Variants in KCNQ5 observed in about 807,000 individuals in gnomAD.
The protein encoded by KCNQ5 is potassium voltage-gated channel subfamily Q member 5, also known as potassium voltage-gated channel subfamily KQT member 5.
KCNQ5 carries 30 observed loss-of-function variants against 98.2 expected under a neutral mutation model. The ratio of observed to expected loss-of-function variants is 0.31; its 90% CI spans 0.23 to 0.41. The LOEUF is 0.41. Among genes scored for constraint, KCNQ5 ranks in the 10% least tolerant of loss-of-function variants. The pLI, the probability that KCNQ5 is intolerant of heterozygous loss-of-function variation, is 1.00. For missense variants in KCNQ5, 835 were observed against 1,182.5 expected, an observed-to-expected ratio of 0.71 and a Z score of 4.31; for synonymous variants, 458 against 449.4, an observed-to-expected ratio of 1.02 and a Z score of -0.24.
At chr6:72,884,628 T>A (rs1778782375) in intron 1 of KCNQ5, among the ~76,000 whole-genome samples, 1 of 152,114 alleles carries the variant, frequency 6.6e-6, no homozygotes, top group Non-Finnish European at 1.5e-5. Context: ...ATACTTTTTT[T>A]TTTTTTGAGA....
intron 9 of KCNQ5, among the ~76,000 whole-genome samples, chr6:73,124,862 T>A (rs536788436): frequency 6.7e-6 from 1 of 148,830 alleles, no homozygotes; most frequent in South Asian, 2.1e-4. Flanking sequence ...GAAAGAAATT[T>A]TTTTTCTGAA....
At chr6:73,179,878 C>T (rs1161684800) in intron 11 of KCNQ5, among the ~76,000 whole-genome samples, 2 of 152,214 alleles carry the variant, frequency 1.3e-5, no homozygotes, top group Non-Finnish European at 2.9e-5. Flanking sequence ...TGTCTGCCTA[C>T]TTGTCTGTCT....
At chr6:72,763,362 A>G (rs1410779611) in intron 1 of KCNQ5, among the ~76,000 whole-genome samples, 1 of 152,040 alleles carries the variant, frequency 6.6e-6, no homozygotes, top group African/African-American at 2.4e-5. Flanking sequence ...GGGAGTTAAA[A>G]TTACAGGTTC....
chr6:72,891,056 A>G (rs965371364), intron 1 of KCNQ5, among the ~76,000 whole-genome samples: 12 of 152,254 alleles, frequency 7.9e-5, no homozygotes, highest in African/African-American at 2.7e-4. Flanking sequence ...AAGAGCCAAC[A>G]AGCTTCATAT....
intron 10 of KCNQ5, chr6:73,158,266 T>G (rs796868478): frequency 0.04 from 6,718 of 168,192 alleles, 182 homozygotes; most frequent in East Asian, 0.11. Flanking sequence ...TTTTTTTTTT[T>G]TTTTTTTTTT....
At position 73,194,654 on chromosome 6, in the gene KCNQ5, C is replaced by A. The variant is rs775001262; in HGVS notation, c.2039C>A (p.Thr680Asn). ...AACAGTGGCTGCTTATCCAGATCAA[C>A]TAGTGCCAACATCTCGAGAGGCCTG... ...AQNSGCLSRSTSANISRGLQF... is the reference protein window; with the variant it reads ...AQNSGCLSRSNSANISRGLQF... The change falls in exon 14 of 14, where the codon ACT becomes AAT. Residue 680 changes from threonine to asparagine, a missense_variant. Coordinates refer to ENST00000370398, the MANE Select transcript of KCNQ5 (RefSeq NM_019842.4). 2 of 1,614,252 alleles carry A rather than the reference C, an allele frequency of 1.2e-6. No individual in the cohort carries two copies. The highest frequency in any genetic ancestry group is 1.7e-6 in the Non-Finnish European group (2 of 1,180,048).
At chr6:73,063,725 A>AGATAGATAGATAGATAGATAGAT (rs1772921679) in intron 3 of KCNQ5, among the ~76,000 whole-genome samples, 1 of 106,918 alleles carries the variant, frequency 9.4e-6, no homozygotes, top group Non-Finnish European at 1.9e-5. Flanking sequence ...GATAGATGAT[A>AGATAGATAGATAGATAGATAGAT]GATAGATAGA....
chr6:72,726,521 G>A (rs908232159), intron 1 of KCNQ5, among the ~76,000 whole-genome samples: 2 of 152,116 alleles, frequency 1.3e-5, no homozygotes, highest in Non-Finnish European at 2.9e-5. Context: ...CCAAAAATCT[G>A]TTTTTTAATA....
Position 73,109,172 on chromosome 6 carries a change from C to T in KCNQ5, c.1030-2136C>T, listed in dbSNP as rs187556495. Among the ~76,000 whole-genome samples, 1,018 of 152,278 alleles carry T rather than the reference C, an allele frequency of 6.7e-3. 6 individuals are homozygous for T. Among genetic ancestry groups the T allele is most frequent in the African/African-American group, 0.023 (967 of 41,556 alleles). On this transcript the variant is annotated intron_variant, in intron 6 of 13. Transcript: ENST00000370398. Reference sequence around the variant, plus strand: ...AATGTACAGTCTGGCACAAGAAATACGTAGTGAACATTTACCATTCACTAA... The same window carrying T: ...AATGTACAGTCTGGCACAAGAAATATGTAGTGAACATTTACCATTCACTAA...
At chr6:72,771,524 G>T (rs1057115119) in intron 1 of KCNQ5, among the ~76,000 whole-genome samples, 5 of 151,990 alleles carry the variant, frequency 3.3e-5, no homozygotes, top group Non-Finnish European at 7.4e-5. Context: ...GTTTTGCTTT[G>T]CATTTCCCTG....
chr6:72,924,713 C>T (rs1003763553), intron 1 of KCNQ5, among the ~76,000 whole-genome samples: 3 of 152,160 alleles, frequency 2.0e-5, no homozygotes, highest in Admixed American at 2.0e-4. Flanking sequence ...CTTCGACCTC[C>T]CTTATGGGGT....
At chr6:72,947,245 T>C (rs1766590923) in intron 1 of KCNQ5, among the ~76,000 whole-genome samples, 1 of 152,314 alleles carries the variant, frequency 6.6e-6, no homozygotes, top group South Asian at 2.1e-4. Flanking sequence ...GAGCTTTGAA[T>C]ATGAAATAGG....
chr6:72,939,952 G>A (rs903631923), intron 1 of KCNQ5, among the ~76,000 whole-genome samples: 10 of 152,154 alleles, frequency 6.6e-5, no homozygotes, highest in African/African-American at 2.4e-4. Context: ...GTAACTAAAT[G>A]TGAAGGCAGC....
At chr6:72,836,540 G>A (rs1776510931) in intron 1 of KCNQ5, among the ~76,000 whole-genome samples, 1 of 151,998 alleles carries the variant, frequency 6.6e-6, no homozygotes, top group South Asian at 2.1e-4. Flanking sequence ...CTGAGCTCAA[G>A]CAATTCTCCC....
At chr6:73,046,386 G>A (rs888687655) in intron 3 of KCNQ5, among the ~76,000 whole-genome samples, 8 of 152,024 alleles carry the variant, frequency 5.3e-5, no homozygotes, top group African/African-American at 1.7e-4. Context: ...CCTTCCATGT[G>A]ATTAACTGGA....
At chr6:72,679,808 T>A (rs1434830374) in intron 1 of KCNQ5, among the ~76,000 whole-genome samples, 1 of 152,094 alleles carries the variant, frequency 6.6e-6, no homozygotes, top group Non-Finnish European at 1.5e-5. Flanking sequence ...GAGGCTGAGG[T>A]GGGCAGATCG....
At chr6:72,654,258 C>T (rs1033921765) in intron 1 of KCNQ5, among the ~76,000 whole-genome samples, 2 of 151,740 alleles carry the variant, frequency 1.3e-5, no homozygotes, top group African/African-American at 4.8e-5. Flanking sequence ...AGAGGTGATA[C>T]TAAGTTGTGT....
intron 3 of KCNQ5, among the ~76,000 whole-genome samples, chr6:73,064,002 G>A (rs1772941155): frequency 6.6e-6 from 1 of 152,068 alleles, no homozygotes. Flanking sequence ...AAAATATTGA[G>A]AGCCAGGTGA....
At chr6:72,712,447 A>C (rs1769418733) in intron 1 of KCNQ5, among the ~76,000 whole-genome samples, 1 of 152,218 alleles carries the variant, frequency 6.6e-6, no homozygotes, top group South Asian at 2.1e-4. Flanking sequence ...CCAGCTTTAA[A>C]ATACTTAAAT....
Sources: gnomAD v4.1 joint callset for allele counts (sites outside exome capture counted in the v4.1 genomes callset) on GRCh38, gnomAD v4.1.1 for gene constraint, MANE v1.5 for transcripts, NCBI Gene and HGNC (gene_info 2026-07-23, HGNC 2026-07-21) for gene names.